The following PRKG1 variants were observed in gnomAD, a reference collection of about 807,000 sequenced individuals.
PRKG1 encodes the protein cGMP-dependent protein kinase 1.
Under a neutral mutation model 88.1 loss-of-function variants are expected in PRKG1, and 35 were observed. The ratio of observed to expected loss-of-function variants is 0.40; its 90% CI spans 0.30 to 0.53. PRKG1 has a LOEUF of 0.53. Ranked by LOEUF, PRKG1 falls within the 20% of genes least tolerant of loss-of-function variation. The pLI is 0.59. For missense variants in PRKG1, 540 were observed against 839.8 expected (o/e 0.64, Z 4.41); for synonymous variants, 303 against 292.5 (o/e 1.04, Z -0.37).
chr10:52,198,590 T>C (rs565709051), intron 9 of PRKG1, among the ~76,000 whole-genome samples: 1 of 152,102 alleles, frequency 6.6e-6, no homozygotes, highest in Non-Finnish European at 1.5e-5. Flanking sequence ...AAATGGGTGG[T>C]TTAAAATAAC....
chr10:51,019,628 A>G (rs1843109295), intron 1 of PRKG1, among the ~76,000 whole-genome samples: 1 of 152,116 alleles, frequency 6.6e-6, no homozygotes, highest in Non-Finnish European at 1.5e-5. Context: ...CAACAAAAGA[A>G]AAAAAATAGA....
chr10:52,016,118 C>A (rs565023692), intron 5 of PRKG1, among the ~76,000 whole-genome samples: 16 of 152,328 alleles, frequency 1.1e-4, no homozygotes, highest in African/African-American at 3.1e-4. Context: ...ATCTTTATAG[C>A]AGTACCCTAC....
chr10:52,027,137 A>G (rs1284980469), intron 5 of PRKG1, among the ~76,000 whole-genome samples: 1 of 152,176 alleles, frequency 6.6e-6, no homozygotes, highest in African/African-American at 2.4e-5. Flanking sequence ...AGCAACTCAT[A>G]TGGTCTGCGT....
At position 52,221,515 on chromosome 10, in the gene PRKG1, G is replaced by T. The variant is rs1028749927; in HGVS notation, c.1077-30055G>T. Among the ~76,000 whole-genome samples the T allele has an allele frequency of 1.6e-4, 25 of 152,032 alleles. No homozygotes were observed. In the East Asian group the frequency reaches 4.8e-3, roughly 29 times the overall value. On this transcript the variant is annotated intron_variant, in intron 9 of 17. Transcript: ENST00000373980. ...CATATTTCATGGTACTTAATTTTTT[G>T]CATATGAAGCCTCAAATATAAACTT...
chr10:51,153,334 C>A lies in PRKG1; in HGVS notation c.478+4C>A. 1 of 1,591,470 alleles carries A rather than the reference C, an allele frequency of 6.3e-7. No homozygotes were observed. The highest frequency in any genetic ancestry group is 1.1e-5 in the South Asian group (1 of 88,062). Reference sequence around the variant, plus strand: ...TCACTGGTGTATGTCATGGAAGGTACGGTTTGTAACTCCAATCCTCTGACA... The same window carrying A: ...TCACTGGTGTATGTCATGGAAGGTAAGGTTTGTAACTCCAATCCTCTGACA... On this transcript the variant is annotated splice_donor_region_variant and intron_variant, in intron 2 of 17. Transcript: ENST00000373980.
intron 3 of PRKG1, among the ~76,000 whole-genome samples, chr10:51,726,323 G>A (rs1842129698): frequency 6.6e-6 from 1 of 152,022 alleles, no homozygotes; most frequent in African/African-American, 2.4e-5. Flanking sequence ...TGCATTTTTG[G>A]CAAATTTGAC....
intron 2 of PRKG1, among the ~76,000 whole-genome samples, chr10:51,211,118 T>C (rs537757620): frequency 6.6e-6 from 1 of 152,178 alleles, no homozygotes; most frequent in Non-Finnish European, 1.5e-5. Context: ...TTATCCAACA[T>C]GATCAAGTGG....
intron 5 of PRKG1, among the ~76,000 whole-genome samples, chr10:52,023,962 G>C (rs531251082): frequency 5.0e-4 from 76 of 152,218 alleles, no homozygotes; most frequent in African/African-American, 1.8e-3. Flanking sequence ...ATTGCTTTTG[G>C]TGGTTTAGTC....
At chr10:51,557,354 C>A (rs539643759) in intron 3 of PRKG1, among the ~76,000 whole-genome samples, 2 of 151,918 alleles carry the variant, frequency 1.3e-5, no homozygotes, top group Admixed American at 1.3e-4. Context: ...CACCCCCCCA[C>A]CACCCACACA....
chr10:51,627,939 T>TTCCC (rs1234876353), intron 3 of PRKG1, among the ~76,000 whole-genome samples: 1 of 20,556 alleles, frequency 4.9e-5, no homozygotes, highest in Non-Finnish European at 1.6e-4. Flanking sequence ...TCTTCCTTCC[T>TTCCC]TCCTTTCTTT....
chr10:51,707,486 A>G (rs548826266), intron 3 of PRKG1, among the ~76,000 whole-genome samples: 5 of 152,324 alleles, frequency 3.3e-5, no homozygotes, highest in South Asian at 2.1e-4. Context: ...TCAGGCTGTC[A>G]CCCGAAGGAA....
intron 9 of PRKG1, among the ~76,000 whole-genome samples, chr10:52,243,088 T>C (rs1001041736): frequency 5.9e-5 from 9 of 152,220 alleles, no homozygotes; most frequent in Non-Finnish European, 1.3e-4. Context: ...ATATTTGAAT[T>C]TTTAAAACAT....
chr10:51,141,810 C>T (rs972395707), intron 1 of PRKG1, among the ~76,000 whole-genome samples: 7 of 152,072 alleles, frequency 4.6e-5, no homozygotes, highest in Non-Finnish European at 1.0e-4. Flanking sequence ...ACAAATTGTA[C>T]ATATTACATT....
intron 3 of PRKG1, among the ~76,000 whole-genome samples, chr10:51,523,554 C>G (rs969709042): frequency 6.6e-6 from 1 of 152,118 alleles, no homozygotes; most frequent in Non-Finnish European, 1.5e-5. Flanking sequence ...AACAAATTTT[C>G]TCCATAATTA....
intron 8 of PRKG1, among the ~76,000 whole-genome samples, chr10:52,146,055 G>A (rs543598529): frequency 2.0e-5 from 3 of 152,276 alleles, no homozygotes; most frequent in East Asian, 1.9e-4. Context: ...GAAGGGTGTT[G>A]TCCTCCTAGC....
At chr10:51,059,856 TACAG>T (rs1843674761) in intron 1 of PRKG1, among the ~76,000 whole-genome samples, 1 of 152,170 alleles carries the variant, frequency 6.6e-6, no homozygotes, top group Non-Finnish European at 1.5e-5. Flanking sequence ...TTCTATCTTT[TACAG>T]CCTGATTATA....
At chr10:52,093,578 A>T (rs953161646) in intron 7 of PRKG1, among the ~76,000 whole-genome samples, 3 of 152,214 alleles carry the variant, frequency 2.0e-5, no homozygotes, top group Non-Finnish European at 4.4e-5. Context: ...TGCCTCTAAT[A>T]ATAGATGGAT....
At position 52,191,645 on chromosome 10, in the gene PRKG1, A is replaced by C. The variant is rs529496755; in HGVS notation, c.1076+29682A>C. On this transcript the variant is annotated intron_variant, in intron 9 of 17. Transcript: ENST00000373980. ...GGCAAGAAGATTTCGTAGGAGGTTT[A>C]TTAAACTTCAATATTAGATTATAAT... Among the ~76,000 whole-genome samples, 23 of 152,352 alleles carry C rather than the reference A, an allele frequency of 1.5e-4. No individual in the cohort carries two copies. The East Asian group carries it at 3.1e-3, about 20-fold the overall frequency.
chr10:52,247,345 C>T (rs1841051455), intron 9 of PRKG1, among the ~76,000 whole-genome samples: 1 of 152,116 alleles, frequency 6.6e-6, no homozygotes, highest in African/African-American at 2.4e-5. Flanking sequence ...CACTGTTGCA[C>T]AAATGGATTT....
Sources: gnomAD v4.1 joint callset for allele counts (sites outside exome capture counted in the v4.1 genomes callset) on GRCh38, gnomAD v4.1.1 for gene constraint, MANE v1.5 for transcripts, NCBI Gene and HGNC (gene_info 2026-07-23, HGNC 2026-07-21) for gene names.